The following PDE1C variants were observed in gnomAD, a reference collection of about 807,000 sequenced individuals.
The protein encoded by PDE1C is dual specificity calcium/calmodulin-dependent 3',5'-cyclic nucleotide phosphodiesterase 1C.
PDE1C carries 62 observed loss-of-function variants against 93.1 expected under a neutral mutation model. The observed-to-expected ratio is 0.67, with a 90% confidence interval of 0.54 to 0.82. PDE1C has a LOEUF of 0.82. Ranked by LOEUF, PDE1C falls within the 40% of genes least tolerant of loss-of-function variation. PDE1C has a pLI of 0.00. For missense variants in PDE1C, 742 were observed against 884.6 expected (o/e 0.84, Z 2.04); for synonymous variants, 325 against 310.1 (o/e 1.05, Z -0.50).
At chr7:32,235,303 G>A (rs751708556) in intron 1 of PDE1C, among the ~76,000 whole-genome samples, 3 of 151,878 alleles carry the variant, frequency 2.0e-5, no homozygotes, top group Non-Finnish European at 4.4e-5. Context: ...GAAAGTGGGG[G>A]ATGAAGGAAA....
chr7:32,044,008 A>G (rs2128667787), intron 2 of PDE1C, among the ~76,000 whole-genome samples: 1 of 152,298 alleles, frequency 6.6e-6, no homozygotes, highest in African/African-American at 2.4e-5. Context: ...TCCCAATCTG[A>G]TTTATTCATA....
At chr7:32,207,246 C>G (rs1371382044) in intron 2 of PDE1C, among the ~76,000 whole-genome samples, 1 of 152,050 alleles carries the variant, frequency 6.6e-6, no homozygotes, top group Non-Finnish European at 1.5e-5. Context: ...GCCACCCGCC[C>G]CCGCCAATCC....
chr7:32,134,933 T>C (rs535605607), intron 3 of PDE1C, among the ~76,000 whole-genome samples: 8 of 152,098 alleles, frequency 5.3e-5, no homozygotes, highest in Non-Finnish European at 1.0e-4. Context: ...AATAAATAAA[T>C]AAATAAATAG....
At chr7:31,676,141 C>T in the PDE1C span, among the ~76,000 whole-genome samples, 6 of 152,270 alleles carry the variant, frequency 3.9e-5, no homozygotes, top group East Asian at 1.9e-4. Context: ...GCAAGAGATA[C>T]GCCAGTGCAG....
chr7:32,414,862 A>G (rs185084183), intron 1 of PDE1C, among the ~76,000 whole-genome samples: 1 of 152,062 alleles, frequency 6.6e-6, no homozygotes, highest in East Asian at 1.9e-4. Context: ...AAGATTCAAT[A>G]AAATTGTTTT....
intron 2 of PDE1C, among the ~76,000 whole-genome samples, chr7:32,011,953 A>G (rs1031003916): frequency 2.0e-5 from 3 of 152,238 alleles, no homozygotes; most frequent in Admixed American, 6.5e-5. Flanking sequence ...ATAAATTAGA[A>G]TATTGTGATA....
chr7:31,774,709 TGAA>T (rs1331692567), intron 17 of PDE1C, among the ~76,000 whole-genome samples: 3 of 152,212 alleles, frequency 2.0e-5, no homozygotes, highest in African/African-American at 7.2e-5. Context: ...TTTAATAACA[TGAA>T]GAAAGTCTCA....
intron 2 of PDE1C, among the ~76,000 whole-genome samples, chr7:31,943,623 T>C (rs979011467): frequency 2.0e-5 from 3 of 152,106 alleles, no homozygotes; most frequent in Non-Finnish European, 2.9e-5. Context: ...ACCAGGAGTA[T>C]AAACCCATGA....
At chr7:31,626,495 T>G in the PDE1C span, among the ~76,000 whole-genome samples, 1 of 152,260 alleles carries the variant, frequency 6.6e-6, no homozygotes, top group Non-Finnish European at 1.5e-5. Flanking sequence ...ATTTCCTTTC[T>G]GTAGTATGCT....
At chr7:32,108,117 G>A (rs933301015) in intron 3 of PDE1C, among the ~76,000 whole-genome samples, 1 of 149,618 alleles carries the variant, frequency 6.7e-6, no homozygotes, top group African/African-American at 2.5e-5. Context: ...ATAGAAAAGA[G>A]TTACAAATAT....
intron 3 of PDE1C, among the ~76,000 whole-genome samples, chr7:32,125,709 G>A (rs552429858): frequency 6.6e-6 from 1 of 151,934 alleles, no homozygotes; most frequent in African/African-American, 2.4e-5. Context: ...CACACATCAG[G>A]GCCTGTTGGG....
chr7:32,149,601 G>C (rs1801113152), intron 3 of PDE1C, among the ~76,000 whole-genome samples: 1 of 152,196 alleles, frequency 6.6e-6, no homozygotes, highest in Non-Finnish European at 1.5e-5. Flanking sequence ...CATCCACTAA[G>C]GAACATTTAT....
At chr7:31,899,451 C>G (rs959283048) in intron 2 of PDE1C, among the ~76,000 whole-genome samples, 11 of 152,084 alleles carry the variant, frequency 7.2e-5, no homozygotes, top group Admixed American at 6.5e-5. Context: ...CGGACAGTCC[C>G]GTTTCTACAA....
chr7:31,707,079 A>G, the PDE1C span: 1 of 771,632 alleles, frequency 1.3e-6, no homozygotes, highest in Non-Finnish European at 2.1e-6. Flanking sequence ...TACTGTTAGC[A>G]GGTAACCTTG....
chr7:31,773,779 C>G lies in PDE1C; in HGVS notation c.1960+1885G>C, dbSNP rs149633255. Among the ~76,000 whole-genome samples, 6 of 152,266 alleles carry G rather than the reference C, an allele frequency of 3.9e-5. No individual in the cohort carries two copies. The East Asian group carries it at 1.2e-3, about 29-fold the overall frequency. The stretch of plus-strand genomic sequence containing the variant: ...ACATTAATGCATACCCAGTAAGTGC[C>G]TGTCACCTTGGCAGCACTGGGGGCA... On this transcript the variant is annotated intron_variant, in intron 17 of 17. Coordinates refer to ENST00000396191, the MANE Select transcript of PDE1C (RefSeq NM_001191057.4).
At chr7:32,081,402 G>C (rs1018449381) in intron 3 of PDE1C, among the ~76,000 whole-genome samples, 2 of 152,168 alleles carry the variant, frequency 1.3e-5, no homozygotes, top group Admixed American at 1.3e-4. Context: ...TAGGCATAAA[G>C]AGCATTTGTG....
At chr7:31,972,900 G>A (rs772142975) in intron 2 of PDE1C, among the ~76,000 whole-genome samples, 30 of 152,184 alleles carry the variant, frequency 2.0e-4, no homozygotes, top group Admixed American at 3.9e-4. Context: ...TCCAAATTTG[G>A]TGATGCCAGG....
chr7:31,681,939 G>T, the PDE1C span, among the ~76,000 whole-genome samples: 1 of 152,182 alleles, frequency 6.6e-6, no homozygotes, highest in African/African-American at 2.4e-5. Context: ...TTGAAAGTGA[G>T]TCTCCCTTAA....
chr7:32,338,588 T>C (rs1304402565), intron 1 of PDE1C, among the ~76,000 whole-genome samples: 2 of 152,144 alleles, frequency 1.3e-5, no homozygotes, highest in African/African-American at 4.8e-5. Context: ...CCTCAAAAAA[T>C]TAAACATAGA....
Sources: gnomAD v4.1 joint callset for allele counts (sites outside exome capture counted in the v4.1 genomes callset) on GRCh38, gnomAD v4.1.1 for gene constraint, MANE v1.5 for transcripts, NCBI Gene and HGNC (gene_info 2026-07-23, HGNC 2026-07-21) for gene names.